The following GLT8D2 variants were observed in gnomAD, a reference collection of about 807,000 sequenced individuals.
GLT8D2 encodes glycosyltransferase 8 domain containing 2.
Under a neutral mutation model 44.5 loss-of-function variants are expected in GLT8D2, and 45 were observed. The ratio of observed to expected loss-of-function variants is 1.01; its 90% confidence interval spans 0.80 to 1.30. The LOEUF (loss-of-function observed/expected upper bound fraction) is 1.30, where lower values mean the gene tolerates loss of function less well. GLT8D2 is among the 50% of genes most tolerant of loss of function. GLT8D2 has a pLI of 0.00. For missense variants in GLT8D2, 400 were observed against 430.4 expected (o/e 0.93, Z 0.62); for synonymous variants, 156 against 157.2 (o/e 0.99, Z 0.06).
intron 6 of GLT8D2, among the ~76,000 whole-genome samples, chr12:103,999,003 T>C (rs1487523825): frequency 6.6e-6 from 1 of 152,214 alleles, no homozygotes; most frequent in Non-Finnish European, 1.5e-5. Context: ...ACTACTGTTT[T>C]TTCTTAGCTG....
At chr12:104,026,837 A>G (rs1173488943) in intron 1 of GLT8D2, among the ~76,000 whole-genome samples, 1 of 152,252 alleles carries the variant, frequency 6.6e-6, no homozygotes, top group African/African-American at 2.4e-5. Context: ...TTGTTTTAAA[A>G]TTAAGTTGAT....
chr12:104,046,639 C>T (rs868439673), intron 1 of GLT8D2, among the ~76,000 whole-genome samples: 1 of 152,166 alleles, frequency 6.6e-6, no homozygotes, highest in Non-Finnish European at 1.5e-5. Context: ...TAACAGAGCA[C>T]TTCATTTTAA....
intron 1 of GLT8D2, among the ~76,000 whole-genome samples, chr12:104,034,725 C>T (rs1879738103): frequency 6.6e-6 from 1 of 152,382 alleles, no homozygotes; most frequent in South Asian, 2.1e-4. Flanking sequence ...CATAGCTGAA[C>T]AAAAGGCAGC....
intron 4 of GLT8D2, among the ~76,000 whole-genome samples, chr12:104,008,096 G>A (rs1049898915): frequency 1.3e-5 from 2 of 152,220 alleles, no homozygotes; most frequent in Admixed American, 6.5e-5. Context: ...AGAGTGGGAC[G>A]TTGTTGAAAA....
intron 8 of GLT8D2, among the ~76,000 whole-genome samples, chr12:103,994,948 T>A (rs1324628335): frequency 6.6e-6 from 1 of 152,182 alleles, no homozygotes; most frequent in Non-Finnish European, 1.5e-5. Context: ...CAGTGGCAAC[T>A]CTATCCTTCT....
rs763841090 is a variant in GLT8D2 at position 104,003,132 on chromosome 12, T to TA, written c.284+2dup. ...GTGCCAAAGTCTGTAAGACATAACTTACCGTATTCGAGTCAGAGTATTCCG... is the reference window on the plus strand; with the variant it reads ...GTGCCAAAGTCTGTAAGACATAACTTAACCGTATTCGAGTCAGAGTATTCCG... On this transcript the variant is annotated splice_region_variant and intron_variant, in intron 5 of 10. Transcript: ENST00000360814. 1.2e-6 allele frequency: 2 copies of TA among 1,612,694 alleles called. No individual in the cohort carries two copies. The highest frequency in any genetic ancestry group is 8.5e-7 in the Non-Finnish European group (1 of 1,178,910).
upstream of GLT8D2, chr12:104,064,419 G>A (rs1882972121): frequency 6.7e-6 from 5 of 748,364 alleles, no homozygotes; most frequent in Non-Finnish European, 1.9e-6. This position sits in a 1 kb window ranked among gnomAD's most constrained non-coding sequence, Gnocchi z 7.3. Flanking sequence ...TCTCTCCACT[G>A]CCCGCGGGCC....
intron 4 of GLT8D2, among the ~76,000 whole-genome samples, chr12:104,011,556 G>T (rs1875828300): frequency 6.6e-6 from 1 of 152,214 alleles, no homozygotes; most frequent in South Asian, 2.1e-4. Context: ...CACAAGAGAA[G>T]TATCGGGAGA....
chr12:103,989,401 A>C lies in GLT8D2; in HGVS notation c.*7T>G. 2 of 1,599,006 alleles carry C rather than the reference A, an allele frequency of 1.3e-6. No individual in the cohort carries two copies. The highest frequency in any genetic ancestry group is 1.7e-6 in the Non-Finnish European group (2 of 1,173,172). ...TATACAGGGAATATTTTAAGGGTAG[A>C]GTTATATCAGCTATGGTGATTGAGT... is the stretch of plus-strand genomic sequence containing the variant. On this transcript the variant is annotated 3_prime_UTR_variant, in exon 11 of 11. Coordinates refer to ENST00000360814, the MANE Select transcript of GLT8D2 (RefSeq NM_001384711.1).
chr12:104,049,200 A>C (rs1881475037), intron 1 of GLT8D2, among the ~76,000 whole-genome samples: 1 of 151,684 alleles, frequency 6.6e-6, no homozygotes, highest in Non-Finnish European at 1.5e-5. Context: ...TTTTCAAAGC[A>C]CATCCAGACA....
chr12:104,041,736 A>G (rs1438692266), intron 1 of GLT8D2, among the ~76,000 whole-genome samples: 1 of 152,226 alleles, frequency 6.6e-6, no homozygotes, highest in African/African-American at 2.4e-5. Flanking sequence ...AGATTCAAAG[A>G]TAAGTCCCCA....
intron 10 of GLT8D2, among the ~76,000 whole-genome samples, chr12:103,990,807 C>T (rs1872661116): frequency 6.6e-6 from 1 of 152,146 alleles, no homozygotes; most frequent in African/African-American, 2.4e-5. Flanking sequence ...GGAAGAGGCA[C>T]CTTCCCATGA....
chr12:103,994,255 C>T (rs1463243369), intron 9 of GLT8D2, 80 bp downstream of exon 9: 6 of 1,372,544 alleles, frequency 4.4e-6, no homozygotes, highest in Non-Finnish European at 6.0e-6. Context: ...ATATTTCTAA[C>T]CCTTGAACTA....
chr12:103,999,429 G>T lies in GLT8D2; in HGVS notation c.370C>A (p.Pro124Thr). 6.2e-7 allele frequency: 1 copy of T among 1,612,582 alleles called. No individual in the cohort carries two copies. The highest frequency in any genetic ancestry group is 2.2e-5 in the East Asian group (1 of 44,878). ...NPMVLKGKIR[P>T]DSSRPELLQP... Reference sequence around the variant, plus strand: ...AGCAATTCAGGCCTCGATGAGTCTGGTCTGATCTTCCCTTTGAGGACCATC... The same window carrying T: ...AGCAATTCAGGCCTCGATGAGTCTGTTCTGATCTTCCCTTTGAGGACCATC... Residue 124 changes from proline (P) to threonine (T), a missense_variant, in exon 6 of 11, where the codon CCA becomes ACA. By Grantham distance (38) the Pro-to-Thr change is conservative (BLOSUM62 -1). Transcript: ENST00000360814.
chr12:104,002,464 A>G (rs1014124710), intron 5 of GLT8D2, among the ~76,000 whole-genome samples: 12 of 152,136 alleles, frequency 7.9e-5, no homozygotes, highest in African/African-American at 2.9e-4. Flanking sequence ...ATTTTTCATC[A>G]TTGTAAAGTT....
intron 1 of GLT8D2, among the ~76,000 whole-genome samples, chr12:104,062,966 C>G: frequency 6.6e-6 from 1 of 152,038 alleles, no homozygotes; most frequent in East Asian, 1.9e-4. Flanking sequence ...CATAGGAGCT[C>G]GAACCCTACT....
chr12:103,989,193 C>T lies in GLT8D2; in HGVS notation c.*215G>A, dbSNP rs1283220855. ...GGTCTCTTCCTTTATGTTTTTCAGT[C>T]ACATAATCTTGATTTCCATAGTTAT... On this transcript the variant is annotated 3_prime_UTR_variant, in exon 11 of 11. Coordinates refer to ENST00000360814, the MANE Select transcript of GLT8D2 (RefSeq NM_001384711.1). 2 of 381,598 alleles carry T rather than the reference C, an allele frequency of 5.2e-6. No homozygotes were observed. The highest frequency in any genetic ancestry group is 2.1e-5 in the African/African-American group (1 of 48,304). 23.6% of individuals were successfully genotyped at this position (381,598 alleles called of 1,614,324 possible).
At chr12:103,994,111 A>C in intron 9 of GLT8D2, 1 of 309,286 alleles carries the variant, frequency 3.2e-6, no homozygotes, top group South Asian at 1.3e-4. Context: ...GAAAATGTAT[A>C]ATCAGGGACT....
intron 4 of GLT8D2, among the ~76,000 whole-genome samples, chr12:104,008,482 A>G (rs1875377639): frequency 6.6e-6 from 1 of 152,224 alleles, no homozygotes; most frequent in African/African-American, 2.4e-5. Flanking sequence ...GGGTGCTGTT[A>G]AAGGCATTCA....
Sources: allele counts gnomAD v4.1 joint callset (sites outside exome capture counted in the v4.1 genomes callset), GRCh38; gene constraint gnomAD v4.1.1; non-coding constraint Gnocchi (gnomAD v3.1); transcripts MANE v1.5; gene names NCBI Gene and HGNC (gene_info 2026-07-23, HGNC 2026-07-21).